ZNF891: variants seen among roughly 807,000 people sequenced by gnomAD.
ZNF891 encodes the protein zinc finger protein 891.
For missense variants in ZNF891, 589 were observed against 632.7 expected (o/e 0.93, Z 0.74); for synonymous variants, 199 against 209.0 (o/e 0.95, Z 0.41).
rs1955722129 is a variant in ZNF891, at chr12:133,117,544, C to T, written c.*2740G>A. 6.6e-6 allele frequency: 1 copy of T among 151,962 alleles called. No individual in the cohort carries two copies. Among genetic ancestry groups the T allele is most frequent in the Admixed American group, 6.6e-5 (1 of 15,260 alleles). 9.4% of individuals were successfully genotyped at this position (151,962 alleles called of 1,614,324 possible). A position where few individuals can be genotyped will look rare whatever the true frequency, so the allele number is the denominator to read the frequency against. On this transcript the variant is annotated 3_prime_UTR_variant, in exon 2 of 2. Coordinates refer to ENST00000537226, the MANE Select transcript of ZNF891 (RefSeq NM_001277291.2). ...TATCCCTCCGCCTCATGGCAAACAC[C>T]AATACTTTTGTTTGTGCTCTAAACA...
rs1955579854 is a variant in ZNF891 at position 133,106,047 on chromosome 12, C to A, written c.*14237G>T. 2 of 1,614,040 alleles carry A rather than the reference C, an allele frequency of 1.2e-6. No individual in the cohort carries two copies. The highest frequency in any genetic ancestry group is 2.2e-5 in the East Asian group (1 of 44,868). On this transcript the variant is annotated 3_prime_UTR_variant, in exon 2 of 2. Coordinates refer to ENST00000537226, the MANE Select transcript of ZNF891 (RefSeq NM_001277291.2). The stretch of plus-strand genomic sequence containing the variant: ...GAGTGTGGAAAGGCCTTTAGCCGTG[C>A]CTCCAACCTCACTCGACATCAAAGA...
rs1401802126 is a variant in ZNF891 at position 133,118,274 on chromosome 12, G to C, written c.*2010C>G. ...TTCCTTTTTGAAACTTGTTTGTCTT[G>C]GTTCAGTGAAACTCCACTCTTCTTG... On this transcript the variant is annotated 3_prime_UTR_variant, in exon 2 of 2. Coordinates refer to ENST00000537226, the MANE Select transcript of ZNF891 (RefSeq NM_001277291.2). 3.3e-5 allele frequency: 5 copies of C among 152,206 alleles called. No homozygotes were observed. The highest frequency in any genetic ancestry group is 1.2e-4 in the African/African-American group (5 of 41,474). The allele number at this position is 152,206 out of a possible 1,614,324, so 9.4% of individuals were successfully genotyped here.
Position 133,105,119 on chromosome 12 carries a change from CTAA to C in ZNF891, c.*15162_*15164del, listed in dbSNP as rs1358076529. On this transcript the variant is annotated 3_prime_UTR_variant, in exon 2 of 2. Coordinates refer to ENST00000537226, the MANE Select transcript of ZNF891 (RefSeq NM_001277291.2). ...TCCAGAGGCACTAAGTGAACAGAAT[CTAA>C]TGTCTTTGTGCAATCTGACGAACAC... Among the ~76,000 whole-genome samples, 122 of 152,242 alleles carry C rather than the reference CTAA, an allele frequency of 8.0e-4. No individual in the cohort carries two copies. Among genetic ancestry groups the C allele is most frequent in the African/African-American group, 2.8e-3 (116 of 41,554 alleles).
At position 133,109,698 on chromosome 12, in the gene ZNF891, AAAG is replaced by A. The variant is rs1955667110; in HGVS notation, c.*10583_*10585del. 6.6e-6 allele frequency: 1 copy of A among 152,218 alleles called. No individual in the cohort carries two copies. The highest frequency in any genetic ancestry group is 1.5e-5 in the Non-Finnish European group (1 of 68,040). 9.4% of individuals were successfully genotyped at this position (152,218 alleles called of 1,614,324 possible). ...AATTTACGGTAGCATTCTTATGCTA[AAAG>A]AAATAATTTTTCAGGCAGTATGAAA... On this transcript the variant is annotated 3_prime_UTR_variant, in exon 2 of 2. Coordinates refer to ENST00000537226, the MANE Select transcript of ZNF891 (RefSeq NM_001277291.2).
At chr12:133,124,482 T>C (rs935387160) in intron 1 of ZNF891, among the ~76,000 whole-genome samples, 3 of 152,054 alleles carry the variant, frequency 2.0e-5, no homozygotes, top group African/African-American at 7.2e-5. Context: ...CCATGTGCCA[T>C]GTAGAATACA....
In ZNF891 at chr12:133,113,725, GGTTT is replaced by G. The variant is rs1248652680; in HGVS notation, c.*6555_*6558del. 2 of 151,586 alleles carry G rather than the reference GGTTT, an allele frequency of 1.3e-5. No individual in the cohort carries two copies. The highest frequency in any genetic ancestry group is 1.9e-4 in the East Asian group (1 of 5,162). 9.4% of individuals were successfully genotyped at this position (151,586 alleles called of 1,614,324 possible). ...TGCTTTACTGTCCCAAGTTTTTTTT[GGTTT>G]GTTTTTGTTTTTAGACAGGGTCTTA... On this transcript the variant is annotated 3_prime_UTR_variant, in exon 2 of 2. Coordinates refer to ENST00000537226, the MANE Select transcript of ZNF891 (RefSeq NM_001277291.2).
At position 133,106,724 on chromosome 12, in the gene ZNF891, A is replaced by G; in HGVS notation, c.*13560T>C. 1 of 1,344,944 alleles carries G rather than the reference A, an allele frequency of 7.4e-7. No individual in the cohort carries two copies. The highest frequency in any genetic ancestry group is 1.0e-6 in the Non-Finnish European group (1 of 1,000,740). The allele number at this position is 1,344,944 out of a possible 1,614,324, so 83.3% of individuals were successfully genotyped here. On this transcript the variant is annotated 3_prime_UTR_variant, in exon 2 of 2. Coordinates refer to ENST00000537226, the MANE Select transcript of ZNF891 (RefSeq NM_001277291.2). ...GAAGTATAATGCCTTACTTCAGAGA[A>G]CTCTTGGAAAGAAGCCTTATGTGAA...
chr12:133,106,796 G>T lies in ZNF891; in HGVS notation c.*13488C>A. ...TGGCCCACACTTTATTCACCACCCT[G>T]GAGAAAAAAAAACCCAGGAATATGT... On this transcript the variant is annotated 3_prime_UTR_variant, in exon 2 of 2. Coordinates refer to ENST00000537226, the MANE Select transcript of ZNF891 (RefSeq NM_001277291.2). The T allele has an allele frequency of 1.5e-6, 1 of 662,370 alleles. No homozygotes were observed. Among genetic ancestry groups the T allele is most frequent in the Non-Finnish European group, 2.3e-6 (1 of 443,416 alleles). The allele number at this position is 662,370 out of a possible 1,614,324, so 41.0% of individuals were successfully genotyped here.
rs1955723596 is a variant in ZNF891, at chr12:133,117,768, C to A, written c.*2516G>T. 6.6e-6 allele frequency: 1 copy of A among 152,224 alleles called. No homozygotes were observed. Among genetic ancestry groups the A allele is most frequent in the Non-Finnish European group, 1.5e-5 (1 of 68,042 alleles). The allele number at this position is 152,224 out of a possible 1,614,324, so 9.4% of individuals were successfully genotyped here. A position where few individuals can be genotyped will look rare whatever the true frequency, so the allele number is the denominator to read the frequency against. On this transcript the variant is annotated 3_prime_UTR_variant, in exon 2 of 2. Coordinates refer to ENST00000537226, the MANE Select transcript of ZNF891 (RefSeq NM_001277291.2). ...ACTTGTCTACATCCAGTCTTTACTT[C>A]TTTGCCCTTTATTGATTCCTAAAGT...
intron 1 of ZNF891, among the ~76,000 whole-genome samples, chr12:133,126,212 G>A (rs2137625699): frequency 6.6e-6 from 1 of 152,108 alleles, no homozygotes; most frequent in South Asian, 2.1e-4. Flanking sequence ...TTAGGGCCGG[G>A]CACGGAGGCT....
chr12:133,127,223 C>G (rs1482909312), intron 1 of ZNF891, among the ~76,000 whole-genome samples: 1 of 152,008 alleles, frequency 6.6e-6, no homozygotes, highest in African/African-American at 2.4e-5. Context: ...CCTCGGCCTC[C>G]CAAAATGTTG....
rs773661711 is a variant in ZNF891, at chr12:133,117,100, T to C, written c.*3184A>G. The C allele has an allele frequency of 6.6e-6, 1 of 152,260 alleles. No individual in the cohort carries two copies. Among genetic ancestry groups the C allele is most frequent in the Non-Finnish European group, 1.5e-5 (1 of 68,050 alleles). The allele number at this position is 152,260 out of a possible 1,614,324, so 9.4% of individuals were successfully genotyped here. A position where few individuals can be genotyped will look rare whatever the true frequency, so the allele number is the denominator to read the frequency against. On this transcript the variant is annotated 3_prime_UTR_variant, in exon 2 of 2. Transcript: ENST00000537226. Reference sequence around the variant, plus strand: ...CTGTCTTCTCCACTGATGGCTCTATTGATAACTTGGAAGGACTTTCAAATA... The same window carrying C: ...CTGTCTTCTCCACTGATGGCTCTATCGATAACTTGGAAGGACTTTCAAATA...
In ZNF891 at chr12:133,113,164, A is replaced by G. The variant is rs1169744327; in HGVS notation, c.*7120T>C. The G allele has an allele frequency of 6.6e-6, 1 of 150,516 alleles. No homozygotes were observed. The highest frequency in any genetic ancestry group is 1.5e-5 in the Non-Finnish European group (1 of 67,652). The allele number at this position is 150,516 out of a possible 1,614,324, so 9.3% of individuals were successfully genotyped here. ...TTTAATCTGGTATTTAAAAAAATGAAAAGAATCTATGTGTCCAACAACAGC... is the reference window on the plus strand; with the variant it reads ...TTTAATCTGGTATTTAAAAAAATGAGAAGAATCTATGTGTCCAACAACAGC... On this transcript the variant is annotated 3_prime_UTR_variant, in exon 2 of 2. Coordinates refer to ENST00000537226, the MANE Select transcript of ZNF891 (RefSeq NM_001277291.2).
Position 133,121,355 on chromosome 12 carries a change from G to A in ZNF891, c.564C>T (p.Phe188=), listed in dbSNP as rs61749593. 0.014 allele frequency: 22,229 copies of A among 1,536,024 alleles called. 188 individuals are homozygous for A. Among genetic ancestry groups the A allele is most frequent in the Non-Finnish European group, 0.017 (19,694 of 1,146,848 alleles). The change falls in exon 2 of 2, where the codon TTC becomes TTT. Residue 188 remains phenylalanine (F), a synonymous_variant. Transcript: ENST00000537226. Reference sequence around the variant, plus strand: ...TTTCCTCTAATTCATGATAGTCACGGAATAGCTCCTGAGGTACTGTTTTCT... The same window carrying A: ...TTTCCTCTAATTCATGATAGTCACGAAATAGCTCCTGAGGTACTGTTTTCT... The part of the protein sequence containing the change: ...APKKTVPQEL[F]RDYHELEENS...
At position 133,109,785 on chromosome 12, in the gene ZNF891, T is replaced by C. The variant is rs1409942581; in HGVS notation, c.*10499A>G. 6.6e-6 allele frequency: 1 copy of C among 152,180 alleles called. No homozygotes were observed. The highest frequency in any genetic ancestry group is 1.5e-5 in the Non-Finnish European group (1 of 68,018). The allele number at this position is 152,180 out of a possible 1,614,324, so 9.4% of individuals were successfully genotyped here. The stretch of plus-strand genomic sequence containing the variant: ...AACACTGGAGGGGTAAATATGTTGA[T>C]AAATACAAGTCAGGTGTTGGGAAAT... On this transcript the variant is annotated 3_prime_UTR_variant, in exon 2 of 2. Transcript: ENST00000537226.
At chr12:133,126,805 G>C (rs554915376) in intron 1 of ZNF891, among the ~76,000 whole-genome samples, 1 of 151,666 alleles carries the variant, frequency 6.6e-6, no homozygotes, top group Non-Finnish European at 1.5e-5. Context: ...AACACAGTGA[G>C]ACTCTGTTTC....
In ZNF891 at chr12:133,120,324, A is replaced by G. The variant is rs750877122; in HGVS notation, c.1595T>C (p.Ile532Thr). Residue 532 changes from isoleucine (I) to threonine (T), a missense_variant, in exon 2 of 2, where the codon ATT (isoleucine) becomes ACT (threonine). Transcript: ENST00000537226. ...GKAFSQSSSLIIHKRIHTERE... is the reference protein window; with the variant it reads ...GKAFSQSSSLTIHKRIHTERE... ...CTCAGTATGAATTCTCTTGTGTATA[A>G]TAAGTGAAGAGCTCTGACTGAAGGC... The G allele has an allele frequency of 5.1e-6, 8 of 1,557,256 alleles. No homozygotes were observed. Among genetic ancestry groups the G allele is most frequent in the East Asian group, 4.8e-5 (2 of 41,976 alleles).
Position 133,121,061 on chromosome 12 carries a change from A to G in ZNF891, c.858T>C (p.Asn286=). The G allele has an allele frequency of 6.5e-7, 1 of 1,535,626 alleles. No individual in the cohort carries two copies. The highest frequency in any genetic ancestry group is 2.0e-5 in the Admixed American group (1 of 51,004). Residue 286 remains asparagine (N), a synonymous_variant, in exon 2 of 2, where the codon AAT becomes AAC. Transcript: ENST00000537226. ...FTHNMFPVPN[N]LHMAQNACEC... ...CACAGGCATTCTGTGCCATATGCAA[A>G]TTGTTAGGTACAGGAAACATATTAT...
chr12:133,127,189 A>C (rs1360214641), intron 1 of ZNF891, among the ~76,000 whole-genome samples: 1 of 151,320 alleles, frequency 6.6e-6, no homozygotes, highest in Non-Finnish European at 1.5e-5. Flanking sequence ...CTGGTCTTGA[A>C]CTCCTGACCT....
Sources: allele counts gnomAD v4.1 joint callset (sites outside exome capture counted in the v4.1 genomes callset), GRCh38; gene constraint gnomAD v4.1.1; transcripts MANE v1.5; gene names NCBI Gene and HGNC (gene_info 2026-07-23, HGNC 2026-07-21).